SORCS2: variants seen among roughly 807,000 people sequenced by gnomAD.
SORCS2 encodes the protein sortilin related VPS10 domain containing receptor 2.
Under a neutral mutation model 141.6 loss-of-function variants are expected in SORCS2, and 100 were observed. That is an observed-to-expected ratio of 0.71 (90% CI 0.60 to 0.83). The LOEUF is 0.83. Ranked by LOEUF, SORCS2 falls within the 40% of genes least tolerant of loss-of-function variation. SORCS2 has a pLI of 0.00. For missense variants in SORCS2, 1,646 were observed against 1,560.2 expected (o/e 1.05, Z -0.93); for synonymous variants, 789 against 676.9 (o/e 1.17, Z -2.57).
At chr4:7,355,794 T>C (rs1197831305) in intron 1 of SORCS2, among the ~76,000 whole-genome samples, 1 of 152,222 alleles carries the variant, frequency 6.6e-6, no homozygotes, top group East Asian at 1.9e-4. Context: ...AGTGCCTCTG[T>C]GGAACGCACA....
chr4:7,664,056 G>A lies in SORCS2; in HGVS notation c.953-297G>A, dbSNP rs1722345841. Among the ~76,000 whole-genome samples, 1 of 152,192 alleles carries A rather than the reference G, an allele frequency of 6.6e-6. No homozygotes were observed. The highest frequency in any genetic ancestry group is 2.1e-4 in the South Asian group (1 of 4,828). ...GGGTATGGGGGCCGTGCATGTCTGG[G>A]TGTGGCGAGGTACCCACCGTCGCCT... On this transcript the variant is annotated intron_variant, in intron 6 of 26. Transcript: ENST00000507866. This position sits in a 1 kb window ranked among gnomAD's most constrained non-coding sequence, Gnocchi z 4.7.
At chr4:7,621,515 TTA>T (rs1393922653) in intron 3 of SORCS2, among the ~76,000 whole-genome samples, 3 of 151,216 alleles carry the variant, frequency 2.0e-5, no homozygotes, top group South Asian at 2.1e-4. Flanking sequence ...GTCTGTATGT[TTA>T]TGTGTGTGTC....
At chr4:7,733,714 T>C (rs2148898241) in intron 24 of SORCS2, among the ~76,000 whole-genome samples, 1 of 152,332 alleles carries the variant, frequency 6.6e-6, no homozygotes, top group East Asian at 1.9e-4. Context: ...TCCTTTCCCC[T>C]TTGGGGCAAA....
intron 1 of SORCS2, among the ~76,000 whole-genome samples, chr4:7,288,020 C>T (rs984960830): frequency 2.0e-5 from 3 of 152,196 alleles, no homozygotes; most frequent in Non-Finnish European, 2.9e-5. Flanking sequence ...CTGTCCCCGC[C>T]GTCGATGGCA....
At chr4:7,361,500 C>G (rs1577445732) in intron 1 of SORCS2, among the ~76,000 whole-genome samples, 1 of 152,200 alleles carries the variant, frequency 6.6e-6, no homozygotes, top group Non-Finnish European at 1.5e-5. Context: ...CTGGGCTTCT[C>G]ACGCTGGGCC....
intron 12 of SORCS2, among the ~76,000 whole-genome samples, chr4:7,698,674 T>C (rs1157288043): frequency 2.0e-5 from 3 of 152,188 alleles, no homozygotes; most frequent in African/African-American, 4.8e-5. Context: ...AATATCAGAA[T>C]TAAATGGGAG....
At chr4:7,645,874 A>T (rs1186880455) in intron 4 of SORCS2, among the ~76,000 whole-genome samples, 3 of 152,326 alleles carry the variant, frequency 2.0e-5, no homozygotes, top group Non-Finnish European at 4.4e-5. Flanking sequence ...GGTGTATGGT[A>T]CACCATCTCT....
intron 1 of SORCS2, among the ~76,000 whole-genome samples, chr4:7,261,519 C>T (rs1714322779): frequency 6.6e-6 from 1 of 152,182 alleles, no homozygotes. Flanking sequence ...TCTCTCCAGC[C>T]CAGATTTATG....
In SORCS2 at chr4:7,648,766, G is replaced by A. The variant is rs569599091; in HGVS notation, c.814-5368G>A. Among the ~76,000 whole-genome samples the A allele has an allele frequency of 6.6e-5, 10 of 152,140 alleles. No individual in the cohort carries two copies. The highest frequency in any genetic ancestry group is 5.8e-4 in the East Asian group (3 of 5,162). ...AGAAACCAGGGACAGGCACCAGGGC[G>A]GCCCCGGGGAGCAATGGGAGTGGAC... On this transcript the variant is annotated intron_variant, in intron 4 of 26. Transcript: ENST00000507866. The surrounding 1 kb of genome is among the most constrained non-coding windows in gnomAD (Gnocchi z 4.2).
intron 2 of SORCS2, among the ~76,000 whole-genome samples, chr4:7,482,893 C>A (rs972995280): frequency 6.6e-6 from 1 of 152,204 alleles, no homozygotes; most frequent in Non-Finnish European, 1.5e-5. Context: ...GCTGGAGAGG[C>A]TCCCTCTGAA....
intron 1 of SORCS2, among the ~76,000 whole-genome samples, chr4:7,285,759 G>C (rs1055732074): frequency 6.6e-6 from 1 of 152,246 alleles, no homozygotes; most frequent in African/African-American, 2.4e-5. Context: ...GGCCAAGGCA[G>C]ATCCCCGTTT....
chr4:7,291,167 T>G lies in SORCS2; in HGVS notation c.480+98041T>G, dbSNP rs3846424. 5.8e-3 allele frequency among the ~76,000 whole-genome samples: 880 copies of G among 152,022 alleles called. 11 individuals are homozygous for G. The highest frequency in any genetic ancestry group is 0.011 in the Non-Finnish European group (715 of 67,980). ...GAGGCACCTGTGACATGAATAGAGG[T>G]GAGAGAAGGGGCTCGGATGAGGCGG... is the stretch of plus-strand genomic sequence containing the variant. On this transcript the variant is annotated intron_variant, in intron 1 of 26. Transcript: ENST00000507866.
intron 3 of SORCS2, among the ~76,000 whole-genome samples, chr4:7,542,587 C>T (rs909397583): frequency 1.1e-4 from 17 of 152,154 alleles, no homozygotes; most frequent in African/African-American, 4.1e-4. Flanking sequence ...CTCCCAGAGC[C>T]TTCGGGAAGC....
intron 1 of SORCS2, among the ~76,000 whole-genome samples, chr4:7,267,617 G>T (rs990935039): frequency 8.5e-5 from 13 of 152,186 alleles, no homozygotes; most frequent in Non-Finnish European, 2.9e-5. Context: ...GATCACCCGA[G>T]GTCAGGAGTT....
chr4:7,531,777 AC>A, intron 3 of SORCS2, 148 bp downstream of exon 3: 1 of 777,938 alleles, frequency 1.3e-6, no homozygotes. Context: ...TCTCACTGCC[AC>A]CCTTCCCGGT....
At chr4:7,645,505 G>A (rs928365120) in intron 4 of SORCS2, among the ~76,000 whole-genome samples, 2 of 152,138 alleles carry the variant, frequency 1.3e-5, no homozygotes, top group African/African-American at 2.4e-5. Context: ...GTGTGTGGGT[G>A]TGTGAGTGTG....
At chr4:7,635,007 C>T (rs1720150810) in intron 3 of SORCS2, among the ~76,000 whole-genome samples, 1 of 152,230 alleles carries the variant, frequency 6.6e-6, no homozygotes, top group Admixed American at 6.5e-5. Context: ...CTAAGATGTA[C>T]TGTGGTGTCC....
intron 26 of SORCS2, among the ~76,000 whole-genome samples, chr4:7,738,569 G>A (rs186682681): frequency 4.4e-4 from 67 of 152,240 alleles, no homozygotes; most frequent in African/African-American, 1.4e-3. Flanking sequence ...GGGGTTCTGC[G>A]GTAGCTTCTG....
intron 1 of SORCS2, among the ~76,000 whole-genome samples, chr4:7,333,658 C>T (rs1054475568): frequency 5.3e-5 from 8 of 152,178 alleles, no homozygotes; most frequent in African/African-American, 1.7e-4. Flanking sequence ...ATTGCTTCCC[C>T]CAGACCCTGA....
Sources: gnomAD v4.1 joint callset for allele counts (sites outside exome capture counted in the v4.1 genomes callset) on GRCh38, gnomAD v4.1.1 for gene constraint, Gnocchi (gnomAD v3.1) non-coding constraint, MANE v1.5 for transcripts, NCBI Gene and HGNC (gene_info 2026-07-23, HGNC 2026-07-21) for gene names.